Variants in ITFG1 observed in about 807,000 individuals in gnomAD.
The protein encoded by ITFG1 is T-cell immunomodulatory protein.
Under a neutral mutation model 81.8 loss-of-function variants are expected in ITFG1, and 34 were observed. That is an observed-to-expected ratio of 0.42 (90% CI 0.32 to 0.55). The LOEUF is 0.55. Ranked by LOEUF, ITFG1 falls within the 20% of genes least tolerant of loss-of-function variation. The pLI, the probability that ITFG1 is intolerant of heterozygous loss-of-function variation, is 0.17. For missense variants in ITFG1, 672 were observed against 755.4 expected (o/e 0.89, Z 1.29); for synonymous variants, 285 against 270.6 (o/e 1.05, Z -0.52).
chr16:47,189,120 A>C (rs1448083380), intron 14 of ITFG1, among the ~76,000 whole-genome samples: 1 of 152,220 alleles, frequency 6.6e-6, no homozygotes, highest in African/African-American at 2.4e-5. Flanking sequence ...TAAATGAAGA[A>C]ATTGGAACCC....
intron 8 of ITFG1, among the ~76,000 whole-genome samples, chr16:47,365,263 A>G (rs1299981575): frequency 6.6e-6 from 1 of 152,208 alleles, no homozygotes; most frequent in African/African-American, 2.4e-5. Context: ...CAAATGATAA[A>G]AAGAGCCACA....
At chr16:47,422,473 C>T (rs1304660654) in intron 6 of ITFG1, among the ~76,000 whole-genome samples, 1 of 152,134 alleles carries the variant, frequency 6.6e-6, no homozygotes, top group Non-Finnish European at 1.5e-5. Context: ...ATGTCTCTGC[C>T]AGGCTTTGGT....
chr16:47,326,487 G>A (rs1461646285), intron 8 of ITFG1, among the ~76,000 whole-genome samples: 2 of 152,134 alleles, frequency 1.3e-5, no homozygotes, highest in Non-Finnish European at 2.9e-5. Context: ...AATTAGGCAG[G>A]AGAAGGAAAT....
At chr16:47,185,119 AT>A (rs1357808495) in intron 14 of ITFG1, among the ~76,000 whole-genome samples, 114 of 152,142 alleles carry the variant, frequency 7.5e-4, no homozygotes, top group African/African-American at 2.7e-3. Context: ...GAGCACCCAG[AT>A]TCATAAAGCA....
intron 6 of ITFG1, among the ~76,000 whole-genome samples, chr16:47,391,299 G>A (rs1334393530): frequency 6.6e-6 from 1 of 152,190 alleles, no homozygotes; most frequent in Non-Finnish European, 1.5e-5. Flanking sequence ...TAATCCTACA[G>A]TTGAAGAGAG....
chr16:47,189,649 A>G lies in ITFG1; in HGVS notation c.1454-26985T>C, dbSNP rs59318658. 4.0e-4 allele frequency among the ~76,000 whole-genome samples: 61 copies of G among 152,244 alleles called. No homozygotes were observed. The East Asian group carries it at 0.011, about 27-fold the overall frequency. ...TCCACTTTCTGGGGGATTATGAATA[A>G]TGCTGCTATGGACATTCATGTACAA... is the stretch of plus-strand genomic sequence containing the variant. On this transcript the variant is annotated intron_variant, in intron 14 of 17. Coordinates refer to ENST00000320640, the MANE Select transcript of ITFG1 (RefSeq NM_030790.5).
At chr16:47,157,366 T>C (rs1964727520) in intron 17 of ITFG1, among the ~76,000 whole-genome samples, 5 of 152,166 alleles carry the variant, frequency 3.3e-5, no homozygotes, top group Admixed American at 6.6e-5. Flanking sequence ...AAAAAGTGGT[T>C]AAAGAGGTTC....
chr16:47,369,118 T>G (rs1968216775), intron 7 of ITFG1, among the ~76,000 whole-genome samples: 1 of 152,206 alleles, frequency 6.6e-6, no homozygotes. Context: ...ATCAATATAT[T>G]TTATCTCAAT....
intron 14 of ITFG1, among the ~76,000 whole-genome samples, chr16:47,179,753 G>A (rs543005432): frequency 6.6e-6 from 1 of 152,206 alleles, no homozygotes; most frequent in Non-Finnish European, 1.5e-5. Context: ...GCTCCAGAAA[G>A]AAAGATCTTA....
chr16:47,399,100 T>C (rs1372943367), intron 6 of ITFG1, among the ~76,000 whole-genome samples: 1 of 152,224 alleles, frequency 6.6e-6, no homozygotes, highest in African/African-American at 2.4e-5. Context: ...GTTACCAAAG[T>C]GTAAATAAAT....
intron 7 of ITFG1, among the ~76,000 whole-genome samples, chr16:47,375,264 A>T (rs563460298): frequency 6.6e-5 from 10 of 152,254 alleles, no homozygotes; most frequent in African/African-American, 2.4e-4. Context: ...CTGGTCTCAG[A>T]TCCTGTCTTC....
intron 14 of ITFG1, among the ~76,000 whole-genome samples, chr16:47,198,567 T>C (rs1965385663): frequency 6.6e-6 from 1 of 152,262 alleles, no homozygotes; most frequent in South Asian, 2.1e-4. Flanking sequence ...GTACTCCATC[T>C]ACTTTTAAAA....
chr16:47,455,722 T>A (rs554255228), intron 2 of ITFG1, among the ~76,000 whole-genome samples: 2 of 145,234 alleles, frequency 1.4e-5, no homozygotes, highest in Non-Finnish European at 3.0e-5. Context: ...TGAGCCAAGA[T>A]TGGACCATTG....
intron 8 of ITFG1, among the ~76,000 whole-genome samples, chr16:47,318,757 T>C (rs951448640): frequency 1.3e-5 from 2 of 152,164 alleles, no homozygotes; most frequent in Admixed American, 6.5e-5. Context: ...AAATAACTTT[T>C]ACAAAACAAA....
chr16:47,217,786 G>T (rs1032373677), intron 14 of ITFG1, among the ~76,000 whole-genome samples: 1 of 152,110 alleles, frequency 6.6e-6, no homozygotes, highest in Non-Finnish European at 1.5e-5. Context: ...TTAGCCGGGT[G>T]TAGTGGCGGG....
intron 6 of ITFG1, among the ~76,000 whole-genome samples, chr16:47,410,747 C>T (rs1460274539): frequency 1.3e-5 from 2 of 152,196 alleles, no homozygotes; most frequent in Non-Finnish European, 2.9e-5. Context: ...CCACAACCCC[C>T]ATAGACGTTG....
At chr16:47,327,313 C>T (rs1967564077) in intron 8 of ITFG1, among the ~76,000 whole-genome samples, 1 of 152,114 alleles carries the variant, frequency 6.6e-6, no homozygotes, top group Admixed American at 6.6e-5. Context: ...ACACCTTATA[C>T]AAAAATTAAT....
chr16:47,458,408 C>T (rs1271046311), intron 2 of ITFG1, among the ~76,000 whole-genome samples: 1 of 152,132 alleles, frequency 6.6e-6, no homozygotes, highest in Non-Finnish European at 1.5e-5. Context: ...ATACTAAGGT[C>T]AAGCTCAAGT....
intron 10 of ITFG1, among the ~76,000 whole-genome samples, chr16:47,294,087 G>C (rs906638319): frequency 2.0e-5 from 3 of 151,998 alleles, no homozygotes; most frequent in African/African-American, 7.2e-5. Flanking sequence ...GTATATGGCT[G>C]TCCCATTTTC....
Sources: allele counts gnomAD v4.1 joint callset (sites outside exome capture counted in the v4.1 genomes callset), GRCh38; gene constraint gnomAD v4.1.1; transcripts MANE v1.5; gene names NCBI Gene and HGNC (gene_info 2026-07-23, HGNC 2026-07-21).